ISOC2: variants seen among roughly 807,000 people sequenced by gnomAD.
The protein encoded by ISOC2 is isochorismatase domain-containing protein 2.
Under a neutral mutation model 19.3 loss-of-function variants are expected in ISOC2, and 15 were observed. That is an observed-to-expected ratio of 0.78 (90% CI 0.52 to 1.20). ISOC2 has a LOEUF of 1.20. Among genes scored for constraint, ISOC2 ranks in the 50% most tolerant of loss-of-function variants. ISOC2 has a pLI of 0.00. For synonymous variants in ISOC2, 106 were observed against 115.8 expected, an observed-to-expected ratio of 0.92 and a Z score of 0.54; for missense variants, 285 against 272.4, an observed-to-expected ratio of 1.05 and a Z score of -0.33.
At position 55,455,398 on chromosome 19, in the gene ISOC2, T is replaced by C. The variant is rs1467818311; in HGVS notation, c.349-68A>G. On this transcript the variant is annotated intron_variant, in intron 3 of 5. Coordinates refer to ENST00000425675, the MANE Select transcript of ISOC2 (RefSeq NM_001136201.2). Reference sequence around the variant, plus strand: ...GGGGTCCTGGGTAAGGAATTGGGGATGGTGAGTCAGAATTAGGGGCCCAGA... The same window carrying C: ...GGGGTCCTGGGTAAGGAATTGGGGACGGTGAGTCAGAATTAGGGGCCCAGA... The C allele has an allele frequency of 7.5e-6, 12 of 1,590,680 alleles. No homozygotes were observed. The Admixed American group carries it at 1.2e-4, about 16-fold the overall frequency.
chr19:55,461,150 G>A (rs1372976483), intron 1 of ISOC2, among the ~76,000 whole-genome samples: 3 of 152,134 alleles, frequency 2.0e-5, no homozygotes, highest in Admixed American at 6.5e-5. Context: ...GGCTGGAGGT[G>A]GGCGGCAACA....
chr19:55,455,427 G>T, intron 3 of ISOC2, 97 bp from the exon 4 acceptor site: 1 of 1,484,638 alleles, frequency 6.7e-7, no homozygotes, highest in Non-Finnish European at 9.4e-7. Context: ...GCCCAGAATG[G>T]GGAGGAGGGA....
intron 1 of ISOC2, among the ~76,000 whole-genome samples, chr19:55,457,422 T>A (rs1025983664): frequency 1.3e-5 from 2 of 151,798 alleles, no homozygotes; most frequent in Admixed American, 1.3e-4. Flanking sequence ...GTAACCCAGC[T>A]GCTCGGGAGG....
At chr19:55,454,575 G>A in intron 5 of ISOC2, 1 of 167,374 alleles carries the variant, frequency 6.0e-6, no homozygotes, top group Non-Finnish European at 1.3e-5. Context: ...GGAAGGGGCA[G>A]AGGCGGAGGA....
In ISOC2 at chr19:55,455,321, G is replaced by A. The variant is rs1986012784; in HGVS notation, c.358C>T (p.Leu120=). ...TGCAGCCCCCGGTCTAGGAGGTCCA[G>A]GGTCGTGTTCTGTGGGTAGAGAGAG... The part of the protein sequence containing the change: ...EAQACILNTT[L]DLLDRGLQVH... The change falls in exon 4 of 6, where the codon CTG becomes TTG. Residue 120 remains leucine (L), a synonymous_variant. Coordinates refer to ENST00000425675, the MANE Select transcript of ISOC2 (RefSeq NM_001136201.2). 2.5e-6 allele frequency: 4 copies of A among 1,614,020 alleles called. No individual in the cohort carries two copies. In the South Asian group the frequency reaches 4.4e-5, roughly 18 times the overall value.
Position 55,455,676 on chromosome 19 carries a change from G to T in ISOC2, c.308C>A (p.Ser103Tyr). ...QELDSRPQLRSVLLCGIEAQA... is the reference protein window; with the variant it reads ...QELDSRPQLRYVLLCGIEAQA... ...TGCCTCAATGCCACAGAGCAGCACA[G>T]AGCGCAGCTGGGGCCGACTGTCCAG... The change falls in exon 3 of 6, where the codon TCT becomes TAT. Residue 103 changes from serine (S) to tyrosine (Y), a missense_variant. Ser to Tyr is a moderately radical substitution (Grantham distance 144). Coordinates refer to ENST00000425675, the MANE Select transcript of ISOC2 (RefSeq NM_001136201.2). 1 of 1,610,864 alleles carries T rather than the reference G, an allele frequency of 6.2e-7. No individual in the cohort carries two copies. The highest frequency in any genetic ancestry group is 1.1e-5 in the South Asian group (1 of 90,662).
intron 4 of ISOC2, 45 bp downstream of exon 4, chr19:55,455,215 C>T (rs1599881541): frequency 2.5e-6 from 4 of 1,571,074 alleles, no homozygotes; most frequent in Non-Finnish European, 3.5e-6. Flanking sequence ...CCTGGGAGCC[C>T]CTGATGGCCC....
At chr19:55,461,423 C>A (rs1277551381) in intron 1 of ISOC2, 89 bp downstream of exon 1, 2 of 152,280 alleles carry the variant, frequency 1.3e-5, no homozygotes, top group Non-Finnish European at 2.9e-5. Flanking sequence ...TGACCTTGGC[C>A]CGGGACGCCC....
In ISOC2 at chr19:55,455,276, C is replaced by T. The variant is rs763865471; in HGVS notation, c.403G>A (p.Ala135Thr). ...RGLQVHVVVD[A>T]CSSRSQVDRL... ...CCCTCTCACCTGCGTGAGGAGCAGG[C>T]GTCCACCACCACATGGACCTGCAGC... Residue 135 changes from alanine (A) to threonine (T), a missense_variant, in exon 4 of 6, where the codon GCC becomes ACC. Transcript: ENST00000425675. 19 of 1,612,062 alleles carry T rather than the reference C, an allele frequency of 1.2e-5. No individual in the cohort carries two copies. The highest frequency in any genetic ancestry group is 6.6e-5 in the South Asian group (6 of 90,820).
intron 1 of ISOC2, chr19:55,457,027 C>T (rs1599883533): frequency 6.4e-6 from 1 of 156,074 alleles, no homozygotes; most frequent in East Asian, 1.9e-4. Flanking sequence ...TGCTGGGCGT[C>T]CTCCTGTGTT....
chr19:55,458,102 A>T (rs1250005552), intron 1 of ISOC2, among the ~76,000 whole-genome samples: 4 of 152,136 alleles, frequency 2.6e-5, no homozygotes. Context: ...AAAGAAAAAA[A>T]GGACAGGCTG....
At chr19:55,460,130 G>C (rs1986189220) in intron 1 of ISOC2, 1 of 152,240 alleles carries the variant, frequency 6.6e-6, no homozygotes, top group Admixed American at 6.5e-5. Flanking sequence ...CAAAGGAGCA[G>C]AAGTTAAGTA....
chr19:55,454,888 C>A, intron 5 of ISOC2, 101 bp downstream of exon 5: 1 of 879,388 alleles, frequency 1.1e-6, no homozygotes, highest in Non-Finnish European at 1.9e-6. Flanking sequence ...CTGGCTCCCC[C>A]TGGAGGCGGC....
At position 55,455,571 on chromosome 19, in the gene ISOC2, G is replaced by C. The variant is rs1986024711; in HGVS notation, c.348+65C>G. 2.2e-6 allele frequency: 3 copies of C among 1,359,894 alleles called. No individual in the cohort carries two copies. The South Asian group carries it at 4.2e-5, about 19-fold the overall frequency. 84.2% of individuals were successfully genotyped at this position (1,359,894 alleles called of 1,614,324 possible). A position where few individuals can be genotyped will look rare whatever the true frequency, so the allele number is the denominator to read the frequency against. On this transcript the variant is annotated intron_variant, in intron 3 of 5. Coordinates refer to ENST00000425675, the MANE Select transcript of ISOC2 (RefSeq NM_001136201.2). Reference sequence around the variant, plus strand: ...GTGGAGGTTTCTGGTCAGGGAAGGAGGTTCTATTTAGGATGGGGGTCCCAG... The same window carrying C: ...GTGGAGGTTTCTGGTCAGGGAAGGACGTTCTATTTAGGATGGGGGTCCCAG...
intron 4 of ISOC2, 74 bp from the exon 5 acceptor site, chr19:55,455,180 G>T (rs1338529118): frequency 2.6e-6 from 4 of 1,565,418 alleles, no homozygotes; most frequent in Non-Finnish European, 2.6e-6. Flanking sequence ...CAGGCACCCT[G>T]GTGGGAATGC....
chr19:55,453,326 C>A lies in ISOC2; in HGVS notation c.600G>T (p.Gln200His). 2 of 1,607,362 alleles carry A rather than the reference C, an allele frequency of 1.2e-6. No homozygotes were observed. The highest frequency in any genetic ancestry group is 2.3e-5 in the East Asian group (1 of 44,402). The change falls in exon 6 of 6, where the codon CAG becomes CAT. Residue 200 changes from glutamine to histidine, a missense_variant. Transcript: ENST00000425675. ...DSGLLGLFQG[Q>H]NSLLH ...TTGGAGTTCAGTGGAGGAGGGAGTTCTGGCCTTGGAAGAGGCCCAGCAGTC... is the reference window on the plus strand; with the variant it reads ...TTGGAGTTCAGTGGAGGAGGGAGTTATGGCCTTGGAAGAGGCCCAGCAGTC...
Position 55,453,160 on chromosome 19 carries a change from A to C in ISOC2, c.*148T>G. The stretch of plus-strand genomic sequence containing the variant: ...TTTGCATTTCCGGGAGCAGCTGTCC[A>C]ATGGGAAGGCAGCACCCTGCCCCCC... On this transcript the variant is annotated 3_prime_UTR_variant, in exon 6 of 6. Transcript: ENST00000425675. 1.9e-6 allele frequency: 1 copy of C among 538,234 alleles called. No homozygotes were observed. The allele number at this position is 538,234 out of a possible 1,614,324, so 33.3% of individuals were successfully genotyped here. A position where few individuals can be genotyped will look rare whatever the true frequency, so the allele number is the denominator to read the frequency against.
intron 1 of ISOC2, among the ~76,000 whole-genome samples, chr19:55,458,653 A>G (rs566133541): frequency 4.4e-4 from 66 of 150,758 alleles, no homozygotes; most frequent in African/African-American, 1.6e-3. Flanking sequence ...TCAGTCTCCC[A>G]AGTAGCTGGG....
rs543357952 is a variant in ISOC2, at chr19:55,455,747, C to T, written c.237G>A (p.Pro79=). 5.2e-5 allele frequency: 83 copies of T among 1,595,982 alleles called. No individual in the cohort carries two copies. Among genetic ancestry groups the T allele is most frequent in the African/African-American group, 3.6e-4 (27 of 74,934 alleles). ...VPELGTEGLR[P]LAKTCFSMVP... is the part of the protein sequence containing the mutation. ...CCATGCTGAAGCAGGTCTTGGCCAG[C>T]GGCCGAAGGCCCTCAGTCCCCAGCT... Residue 79 remains proline (P), a synonymous_variant, in exon 3 of 6, where the codon CCG becomes CCA. Transcript: ENST00000425675.
Sources: gnomAD v4.1 joint callset for allele counts (sites outside exome capture counted in the v4.1 genomes callset) on GRCh38, gnomAD v4.1.1 for gene constraint, MANE v1.5 for transcripts, NCBI Gene and HGNC (gene_info 2026-07-23, HGNC 2026-07-21) for gene names.